The following STRN3 variants were observed in gnomAD, a reference collection of about 807,000 sequenced individuals.
STRN3 encodes striatin-3.
STRN3 carries 29 observed loss-of-function variants against 95.6 expected under a neutral mutation model. The ratio of observed to expected loss-of-function variants is 0.30; its 90% confidence interval spans 0.23 to 0.41. The LOEUF (loss-of-function observed/expected upper bound fraction) is 0.41. Ranked by LOEUF, STRN3 falls within the 10% of genes least tolerant of loss-of-function variation. The probability of loss-of-function intolerance (pLI) is 1.00; values close to 1 mark genes in which losing one functional copy is unlikely to be tolerated. For missense variants in STRN3, 890 were observed against 972.1 expected, an observed-to-expected ratio of 0.92 and a Z score of 1.12; for synonymous variants, 331 against 357.6, an observed-to-expected ratio of 0.93 and a Z score of 0.84.
chr14:30,953,793 G>T (rs900168421), intron 3 of STRN3, among the ~76,000 whole-genome samples: 3 of 152,064 alleles, frequency 2.0e-5, no homozygotes, highest in Non-Finnish European at 4.4e-5. Flanking sequence ...CCAAGCCTGG[G>T]TAATTTCTGT....
intron 9 of STRN3, among the ~76,000 whole-genome samples, chr14:30,916,927 G>A (rs1896754971): frequency 6.6e-6 from 1 of 152,174 alleles, no homozygotes; most frequent in African/African-American, 2.4e-5. Context: ...ACTTAGTCCA[G>A]GTAACAGATT....
At chr14:30,924,573 T>C (rs7159569) in intron 8 of STRN3, among the ~76,000 whole-genome samples, 51,989 of 152,024 alleles carry the variant, frequency 0.34, 9,273 homozygotes, top group East Asian at 0.52. Context: ...ATTACATGCA[T>C]GAACCACTGC....
intron 7 of STRN3, among the ~76,000 whole-genome samples, chr14:30,931,023 TGTAGAGA>T (rs1469496800): frequency 6.6e-6 from 1 of 152,084 alleles, no homozygotes; most frequent in Non-Finnish European, 1.5e-5. Flanking sequence ...AAAAGACCTG[TGTAGAGA>T]GAATAAAACT....
intron 1 of STRN3, among the ~76,000 whole-genome samples, chr14:31,023,722 A>C (rs1385148259): frequency 6.6e-6 from 1 of 152,128 alleles, no homozygotes. Context: ...TATTCAACAC[A>C]TACATTTTAA....
chr14:30,949,399 T>C (rs971099160), intron 4 of STRN3, among the ~76,000 whole-genome samples: 7 of 152,118 alleles, frequency 4.6e-5, no homozygotes, highest in African/African-American at 1.7e-4. Context: ...GATCACGACG[T>C]CAGGAGATCA....
chr14:30,950,822 C>A, intron 4 of STRN3, 41 bp downstream of exon 4: 2 of 1,577,576 alleles, frequency 1.3e-6, no homozygotes, highest in East Asian at 4.5e-5. Context: ...CACTTTCATA[C>A]CTAGATCCTT....
At chr14:30,950,210 G>A (rs1879570415) in intron 4 of STRN3, among the ~76,000 whole-genome samples, 1 of 152,110 alleles carries the variant, frequency 6.6e-6, no homozygotes. Flanking sequence ...AGTGGTCGGA[G>A]GTGGAATGCA....
At chr14:31,023,891 T>TA (rs1409727710) in intron 1 of STRN3, among the ~76,000 whole-genome samples, 6 of 135,130 alleles carry the variant, frequency 4.4e-5, no homozygotes, top group Non-Finnish European at 8.0e-5. Flanking sequence ...CAGTATGAAA[T>TA]AAAAAAGAGT....
At chr14:30,918,941 T>A in intron 9 of STRN3, 25 bp downstream of exon 9, 1 of 1,534,960 alleles carries the variant, frequency 6.5e-7, no homozygotes, top group Non-Finnish European at 8.8e-7. Context: ...GAAATGTAAA[T>A]AAACATGGTA....
intron 1 of STRN3, among the ~76,000 whole-genome samples, chr14:31,013,864 TTATTATTA>T (rs1468691209): frequency 8.9e-5 from 1 of 11,196 alleles, no homozygotes; most frequent in Non-Finnish European, 2.0e-4. Flanking sequence ...CAAAGCAATT[TTATTATTA>T]TTATTATTAT....
intron 2 of STRN3, 24 bp from the exon 3 acceptor site, chr14:30,955,717 T>C (rs765368210): frequency 6.5e-7 from 1 of 1,549,900 alleles, no homozygotes; most frequent in Non-Finnish European, 8.7e-7. Context: ...CACAAATTAG[T>C]AAAATCACAA....
intron 10 of STRN3, among the ~76,000 whole-genome samples, chr14:30,912,770 T>C (rs947697190): frequency 2.6e-5 from 4 of 152,104 alleles, no homozygotes; most frequent in Non-Finnish European, 4.4e-5. Flanking sequence ...CAGTCAAAAG[T>C]TTACTGGAAT....
chr14:31,024,217 C>A (rs1883661885), intron 1 of STRN3, among the ~76,000 whole-genome samples: 1 of 152,156 alleles, frequency 6.6e-6, no homozygotes, highest in Non-Finnish European at 1.5e-5. Context: ...TCCAAACTTG[C>A]ATACAACAGT....
At position 30,950,847 on chromosome 14, in the gene STRN3, A is replaced by G. The variant is rs1046104908; in HGVS notation, c.542+16T>C. On this transcript the variant is annotated intron_variant, in intron 4 of 17. Coordinates refer to ENST00000357479, the MANE Select transcript of STRN3 (RefSeq NM_001083893.2). ...CCTAGATCCTTAAAGAAGGTTGAAAATAAGTAATTACTCACTGTCTTAAAA... is the reference window on the plus strand; with the variant it reads ...CCTAGATCCTTAAAGAAGGTTGAAAGTAAGTAATTACTCACTGTCTTAAAA... 4 of 1,610,644 alleles carry G rather than the reference A, an allele frequency of 2.5e-6. No individual in the cohort carries two copies. In the African/African-American group the frequency reaches 4.0e-5, roughly 16 times the overall value.
At position 30,929,083 on chromosome 14, in the gene STRN3, AAAGT is replaced by A. The variant is rs777983269; in HGVS notation, c.1099+114_1099+117del. 291 of 699,448 alleles carry A rather than the reference AAAGT, an allele frequency of 4.2e-4. 1 individual carries two copies. The highest frequency in any genetic ancestry group is 1.1e-3 in the African/African-American group (62 of 54,302). The allele number at this position is 699,448 out of a possible 1,614,324, so 43.3% of individuals were successfully genotyped here. A position where few individuals can be genotyped will look rare whatever the true frequency, so the allele number is the denominator to read the frequency against. On this transcript the variant is annotated intron_variant, in intron 8 of 17. Coordinates refer to ENST00000357479, the MANE Select transcript of STRN3 (RefSeq NM_001083893.2). ...TTCAATTATACAACAGACAAAGTTT[AAAGT>A]TAGTTGCCCCCTTTATGAAACAAAA...
chr14:30,968,015 G>A (rs907327679), intron 1 of STRN3, among the ~76,000 whole-genome samples: 1 of 152,106 alleles, frequency 6.6e-6, no homozygotes, highest in Non-Finnish European at 1.5e-5. Context: ...CTCCTCAAAC[G>A]TGTGAGCTAT....
chr14:30,990,325 C>G (rs1361597438), intron 1 of STRN3, among the ~76,000 whole-genome samples: 1 of 151,560 alleles, frequency 6.6e-6, no homozygotes, highest in Non-Finnish European at 1.5e-5. Context: ...ACCAGCACAC[C>G]CGGCTAATTT....
chr14:30,904,341 G>T (rs1896404288), intron 15 of STRN3, among the ~76,000 whole-genome samples: 1 of 152,070 alleles, frequency 6.6e-6, no homozygotes, highest in South Asian at 2.1e-4. Context: ...GATCTGAACA[G>T]CAATAAATAA....
chr14:30,918,226 G>T (rs1218062640), intron 9 of STRN3, among the ~76,000 whole-genome samples: 3 of 152,178 alleles, frequency 2.0e-5, no homozygotes, highest in Non-Finnish European at 2.9e-5. Flanking sequence ...TAATGTAACA[G>T]ATTGGGCACT....
Sources: allele counts gnomAD v4.1 joint callset (sites outside exome capture counted in the v4.1 genomes callset), GRCh38; gene constraint gnomAD v4.1.1; transcripts MANE v1.5; gene names NCBI Gene and HGNC (gene_info 2026-07-23, HGNC 2026-07-21).